The following USP34 variants were observed in gnomAD, a reference collection of about 807,000 sequenced individuals.
USP34 encodes ubiquitin carboxyl-terminal hydrolase 34.
In USP34, 70 loss-of-function variants were observed where a neutral mutation model predicts 460.3. The ratio of observed to expected loss-of-function variants is 0.15; its 90% confidence interval spans 0.13 to 0.19. USP34 has a LOEUF of 0.19. USP34 is among the 10% of genes least tolerant of loss of function. The pLI is 1.00. For synonymous variants in USP34, 1,647 were observed against 1,405.3 expected, an observed-to-expected ratio of 1.17 and a Z score of -3.85; for missense variants, 3,985 against 4,236.2, an observed-to-expected ratio of 0.94 and a Z score of 1.65.
intron 68 of USP34, among the ~76,000 whole-genome samples, chr2:61,213,569 T>C (rs1476627808): frequency 6.6e-6 from 1 of 152,202 alleles, no homozygotes; most frequent in African/African-American, 2.4e-5. Flanking sequence ...TTAGACTGCA[T>C]ATATATGTAT....
chr2:61,412,015 C>A (rs573125012), intron 2 of USP34, among the ~76,000 whole-genome samples: 1 of 151,594 alleles, frequency 6.6e-6, no homozygotes, highest in African/African-American at 2.4e-5. Flanking sequence ...CATGGAGAAA[C>A]CCCGTCTCCA....
At chr2:61,332,050 C>T (rs920180214) in intron 19 of USP34, among the ~76,000 whole-genome samples, 22 of 152,090 alleles carry the variant, frequency 1.4e-4, no homozygotes, top group Admixed American at 4.6e-4. Flanking sequence ...TTACTTTCAC[C>T]TTGCTATTCA....
chr2:61,373,495 T>C (rs1558556593), intron 8 of USP34, among the ~76,000 whole-genome samples: 1 of 151,596 alleles, frequency 6.6e-6, no homozygotes, highest in Non-Finnish European at 1.5e-5. Context: ...AAAGGTTCAG[T>C]GGTTATACCA....
chr2:61,370,344 C>A lies in USP34; in HGVS notation c.1228G>T (p.Asp410Tyr). The change falls in exon 10 of 80, where the codon GAC becomes TAC. Residue 410 changes from aspartate to tyrosine, a missense_variant. Coordinates refer to ENST00000398571, the MANE Select transcript of USP34 (RefSeq NM_014709.4). ...ACCTGTGCTGCAGCCCAAATACAGTCAATATGTTGAGTACTCAGTCGCCCT... is the reference window on the plus strand; with the variant it reads ...ACCTGTGCTGCAGCCCAAATACAGTAAATATGTTGAGTACTCAGTCGCCCT... ...AEGRLSTQHIDCIWAAAQLKH... is the reference protein window; with the variant it reads ...AEGRLSTQHIYCIWAAAQLKH... 2 of 1,613,984 alleles carry A rather than the reference C, an allele frequency of 1.2e-6. No individual in the cohort carries two copies. The highest frequency in any genetic ancestry group is 2.2e-5 in the South Asian group (2 of 91,042).
chr2:61,465,904 G>T (rs1385264836), intron 1 of USP34, among the ~76,000 whole-genome samples: 1 of 152,060 alleles, frequency 6.6e-6, no homozygotes, highest in East Asian at 1.9e-4. Context: ...GTGAACCCGG[G>T]AGGCGGAGCT....
intron 2 of USP34, chr2:61,417,074 G>T (rs1694219169): frequency 7.2e-7 from 1 of 1,387,574 alleles, no homozygotes; most frequent in Non-Finnish European, 1.0e-6. Flanking sequence ...GCCCTGAGCA[G>T]GACCTCAATC....
chr2:61,429,833 G>A (rs1002868435), intron 1 of USP34, among the ~76,000 whole-genome samples: 15 of 152,098 alleles, frequency 9.9e-5, no homozygotes, highest in African/African-American at 3.1e-4. Flanking sequence ...AGGCCGAGGC[G>A]GGCAGATCAC....
At chr2:61,286,590 G>A (rs1348291781) in intron 34 of USP34, among the ~76,000 whole-genome samples, 1 of 152,142 alleles carries the variant, frequency 6.6e-6, no homozygotes, top group African/African-American at 2.4e-5. Context: ...GGGAGGCAGA[G>A]GTTGCAGTGA....
In USP34 at chr2:61,333,897, G is replaced by T; in HGVS notation, c.2819C>A (p.Thr940Lys). The T allele has an allele frequency of 6.3e-7, 1 of 1,581,472 alleles. No individual in the cohort carries two copies. Residue 940 changes from threonine (T) to lysine (K), a missense_variant, in exon 19 of 80, where the codon ACA becomes AAA. Thr to Lys is a moderately conservative substitution (Grantham distance 78). Transcript: ENST00000398571. ...TFQQFGSSYD[T>K]HWITMWAEKE... The stretch of plus-strand genomic sequence containing the variant: ...ATTTACTTACATTGTTATCCAGTGT[G>T]TATCGTAACTGCTCCCAAACTGCTG...
At chr2:61,406,209 A>G in intron 2 of USP34, 81 bp from the exon 3 acceptor site, 1 of 1,204,234 alleles carries the variant, frequency 8.3e-7, no homozygotes, top group East Asian at 2.6e-5. Context: ...CAAGTAAGCA[A>G]ATACTAAGTT....
rs1278789634 is a variant in USP34 at position 61,284,810 on chromosome 2, TA to T, written c.4832+64del. On this transcript the variant is annotated intron_variant, in intron 35 of 79. Transcript: ENST00000398571. The stretch of plus-strand genomic sequence containing the variant: ...CTATTAAGTTTAGAATTTTTCAAAA[TA>T]AAGTTTTAAAACATTATATTCCTGC... 6 of 1,316,968 alleles carry T rather than the reference TA, an allele frequency of 4.6e-6. No homozygotes were observed. The African/African-American group carries it at 7.5e-5, about 16-fold the overall frequency. The allele number at this position is 1,316,968 out of a possible 1,614,324, so 81.6% of individuals were successfully genotyped here.
chr2:61,365,210 C>T (rs1022525767), intron 10 of USP34, among the ~76,000 whole-genome samples: 18 of 151,380 alleles, frequency 1.2e-4, no homozygotes, highest in Non-Finnish European at 2.4e-4. Context: ...TGAGATTGCC[C>T]CATTGCACTC....
rs1688049768 is a variant in USP34, at chr2:61,235,780, G to C, written c.7032+65C>G. On this transcript the variant is annotated intron_variant, in intron 57 of 79. Transcript: ENST00000398571. The stretch of plus-strand genomic sequence containing the variant: ...AAAACAACTCTGCTGTAGCATCTTA[G>C]ATCAGAGGGGGGGAAAAAAAAAAGA... 4.0e-6 allele frequency: 6 copies of C among 1,517,326 alleles called. No individual in the cohort carries two copies. The South Asian group carries it at 5.0e-5, about 13-fold the overall frequency. 94.0% of individuals were successfully genotyped at this position (1,517,326 alleles called of 1,614,324 possible).
chr2:61,449,184 G>C (rs1238166698), intron 1 of USP34, among the ~76,000 whole-genome samples: 1 of 151,060 alleles, frequency 6.6e-6, no homozygotes, highest in Non-Finnish European at 1.5e-5. Flanking sequence ...GGGACAAGAG[G>C]AGCGCTCGAA....
intron 68 of USP34, 65 bp from the exon 69 acceptor site, chr2:61,211,994 A>G: frequency 6.7e-7 from 1 of 1,484,514 alleles, no homozygotes; most frequent in East Asian, 2.5e-5. Context: ...TCAGTTTCTC[A>G]TTTCTACGTT....
chr2:61,406,135 G>T lies in USP34; in HGVS notation c.132-7C>A. ...GAAGCAGCATAGACATTGCCTATAA[G>T]AGAAAAAAAATTGAATAAATTAGTA... On this transcript the variant is annotated splice_polypyrimidine_tract_variant and splice_region_variant and intron_variant, in intron 2 of 79. Coordinates refer to ENST00000398571, the MANE Select transcript of USP34 (RefSeq NM_014709.4). The T allele has an allele frequency of 6.6e-7, 1 of 1,525,018 alleles. No individual in the cohort carries two copies. The allele number at this position is 1,525,018 out of a possible 1,614,324, so 94.5% of individuals were successfully genotyped here.
chr2:61,416,582 C>G (rs2103962152), intron 2 of USP34, among the ~76,000 whole-genome samples: 1 of 152,174 alleles, frequency 6.6e-6, no homozygotes, highest in East Asian at 1.9e-4. Context: ...AAAAAATCAA[C>G]ACTTAACAAC....
chr2:61,381,188 C>T (rs1386833065), intron 6 of USP34, among the ~76,000 whole-genome samples: 1 of 145,926 alleles, frequency 6.9e-6, no homozygotes, highest in East Asian at 2.0e-4. Flanking sequence ...GCAAGAAACA[C>T]CCAAGAATGA....
At chr2:61,341,842 C>T (rs1691611920) in intron 16 of USP34, among the ~76,000 whole-genome samples, 1 of 144,022 alleles carries the variant, frequency 6.9e-6, no homozygotes, top group Non-Finnish European at 1.5e-5. Context: ...CTCACTGCAA[C>T]CTCCCCGCCT....
Sources: allele counts gnomAD v4.1 joint callset (sites outside exome capture counted in the v4.1 genomes callset), GRCh38; gene constraint gnomAD v4.1.1; transcripts MANE v1.5; gene names NCBI Gene and HGNC (gene_info 2026-07-23, HGNC 2026-07-21).